The following ANKRD44 variants were observed in gnomAD, a reference collection of about 807,000 sequenced individuals.
ANKRD44 encodes serine/threonine-protein phosphatase 6 regulatory ankyrin repeat subunit B.
A neutral mutation model predicts 116.0 loss-of-function variants in ANKRD44; 35 were observed. The observed-to-expected ratio is 0.30, with a 90% CI of 0.23 to 0.40. The LOEUF is 0.40. Among genes scored for constraint, ANKRD44 ranks in the 10% least tolerant of loss-of-function variants. The probability of loss-of-function intolerance (pLI) is 1.00; values close to 1 mark genes in which losing one functional copy is unlikely to be tolerated. For missense variants in ANKRD44, 1,014 were observed against 1,242.6 expected (o/e 0.82, Z 2.77); for synonymous variants, 435 against 461.8 (o/e 0.94, Z 0.74).
At chr2:197,281,495 C>A (rs1344700252) in intron 1 of ANKRD44, among the ~76,000 whole-genome samples, 1 of 152,070 alleles carries the variant, frequency 6.6e-6, no homozygotes, top group African/African-American at 2.4e-5. Context: ...GAAAAAACAT[C>A]GTCAGTCCTT....
At chr2:197,198,211 A>T (rs1170444498) in intron 1 of ANKRD44, 1 of 152,288 alleles carries the variant, frequency 6.6e-6, no homozygotes, top group African/African-American at 2.4e-5. Flanking sequence ...GCTGAGTAGT[A>T]GACAGGGATC....
At chr2:197,087,208 C>G (rs1373300385) in intron 12 of ANKRD44, among the ~76,000 whole-genome samples, 1 of 152,196 alleles carries the variant, frequency 6.6e-6, no homozygotes, top group Non-Finnish European at 1.5e-5. Context: ...CACTTTCAAC[C>G]CAGATACTCC....
chr2:196,968,421 T>C (rs1272767098), intron 21 of ANKRD44, among the ~76,000 whole-genome samples: 1 of 152,192 alleles, frequency 6.6e-6, no homozygotes, highest in East Asian at 1.9e-4. Context: ...CACAAGTTTG[T>C]GACAGTGTAT....
intron 21 of ANKRD44, among the ~76,000 whole-genome samples, chr2:196,973,811 C>T (rs1405976029): frequency 3.3e-5 from 5 of 152,130 alleles, no homozygotes; most frequent in Non-Finnish European, 5.9e-5. Flanking sequence ...TTTCCTATTG[C>T]ATTCTATTGC....
chr2:197,034,205 T>C (rs1235448967), intron 16 of ANKRD44, among the ~76,000 whole-genome samples: 1 of 152,138 alleles, frequency 6.6e-6, no homozygotes, highest in Non-Finnish European at 1.5e-5. Flanking sequence ...AGAAACAGAA[T>C]GGCTCTTTTA....
At chr2:197,121,290 T>A (rs2078847244) in intron 8 of ANKRD44, 42 bp downstream of exon 8, 1 of 1,577,714 alleles carries the variant, frequency 6.3e-7, no homozygotes, top group Non-Finnish European at 8.7e-7. Flanking sequence ...AAACAGAAGC[T>A]CAATGCAAAG....
chr2:197,206,533 A>C (rs1475749346), intron 1 of ANKRD44, among the ~76,000 whole-genome samples: 1 of 152,134 alleles, frequency 6.6e-6, no homozygotes, highest in Non-Finnish European at 1.5e-5. Context: ...AAATACAAAA[A>C]TCGGCCAGGC....
At chr2:197,185,409 C>T (rs548311324) in intron 2 of ANKRD44, among the ~76,000 whole-genome samples, 18 of 152,336 alleles carry the variant, frequency 1.2e-4, no homozygotes, top group Admixed American at 2.0e-4. Flanking sequence ...ACCAGACAGA[C>T]GTAATCCACC....
intron 1 of ANKRD44, among the ~76,000 whole-genome samples, chr2:197,298,558 G>T (rs538165531): frequency 1.9e-4 from 29 of 152,262 alleles, no homozygotes; most frequent in African/African-American, 6.7e-4. Context: ...GGGGCACAAA[G>T]GTGGCAGGAA....
chr2:197,190,450 A>G (rs2080796755), intron 1 of ANKRD44, among the ~76,000 whole-genome samples: 1 of 152,248 alleles, frequency 6.6e-6, no homozygotes, highest in Non-Finnish European at 1.5e-5. Context: ...TTGTATGGAT[A>G]TAATTACTGA....
intron 16 of ANKRD44, among the ~76,000 whole-genome samples, chr2:197,053,403 A>C (rs2077147192): frequency 6.6e-6 from 1 of 152,164 alleles, no homozygotes; most frequent in South Asian, 2.1e-4. Flanking sequence ...TAATCAGAAA[A>C]CAACCTGAAA....
intron 6 of ANKRD44, among the ~76,000 whole-genome samples, chr2:197,124,142 C>T (rs2078922708): frequency 6.6e-6 from 1 of 152,154 alleles, no homozygotes; most frequent in Admixed American, 6.5e-5. Flanking sequence ...TATGCTTCAG[C>T]CAACTCAAAA....
intron 1 of ANKRD44, among the ~76,000 whole-genome samples, chr2:197,256,054 G>T (rs919182726): frequency 1.3e-5 from 2 of 152,208 alleles, no homozygotes; most frequent in Non-Finnish European, 2.9e-5. Context: ...GCTGTCTTTT[G>T]TATATGTGGT....
intron 16 of ANKRD44, among the ~76,000 whole-genome samples, chr2:197,064,313 G>T (rs909699481): frequency 6.6e-6 from 1 of 152,184 alleles, no homozygotes; most frequent in African/African-American, 2.4e-5. Flanking sequence ...ACTAAACATG[G>T]AAAGGAACAA....
At chr2:197,014,741 G>A (rs1365709668) in intron 17 of ANKRD44, among the ~76,000 whole-genome samples, 1 of 151,120 alleles carries the variant, frequency 6.6e-6, no homozygotes, top group Non-Finnish European at 1.5e-5. Flanking sequence ...CTATTATCAC[G>A]ACTCTGCACT....
intron 2 of ANKRD44, among the ~76,000 whole-genome samples, chr2:197,184,034 C>T (rs13389482): frequency 0.1 from 15,292 of 152,180 alleles, 1,807 homozygotes; most frequent in African/African-American, 0.28. Flanking sequence ...ATGTTGTAAG[C>T]TCTATCATGG....
chr2:197,196,616 C>T (rs1286134013), intron 1 of ANKRD44, among the ~76,000 whole-genome samples: 1 of 152,166 alleles, frequency 6.6e-6, no homozygotes, highest in Non-Finnish European at 1.5e-5. Context: ...GTGGCAATCT[C>T]CTGCTACATT....
At chr2:197,228,582 A>T (rs1258310171) in intron 1 of ANKRD44, among the ~76,000 whole-genome samples, 1 of 152,152 alleles carries the variant, frequency 6.6e-6, no homozygotes, top group Non-Finnish European at 1.5e-5. Context: ...GGGGCCCCAG[A>T]TGCTAAGTGT....
chr2:196,971,648 T>C (rs976144580), intron 21 of ANKRD44, among the ~76,000 whole-genome samples: 3 of 152,204 alleles, frequency 2.0e-5, no homozygotes, highest in African/African-American at 7.2e-5. Flanking sequence ...GTCTCTACTT[T>C]TCTAAAGGAG....
Sources: gnomAD v4.1 joint callset for allele counts (sites outside exome capture counted in the v4.1 genomes callset) on GRCh38, gnomAD v4.1.1 for gene constraint, MANE v1.5 for transcripts, NCBI Gene and HGNC (gene_info 2026-07-23, HGNC 2026-07-21) for gene names.